Variants in HSD17B3 observed in about 807,000 individuals in gnomAD.
HSD17B3 encodes hydroxysteroid 17-beta dehydrogenase 3.
A neutral mutation model predicts 41.1 loss-of-function variants in HSD17B3; 29 were observed. The observed-to-expected ratio is 0.71, with a 90% CI of 0.53 to 0.96. HSD17B3 has a LOEUF of 0.96. HSD17B3 is among the 40% of genes least tolerant of loss of function. The pLI, the probability that HSD17B3 is intolerant of heterozygous loss-of-function variation, is 0.00. For synonymous variants in HSD17B3, 126 were observed against 145.6 expected (o/e 0.87, Z 0.97); for missense variants, 323 against 374.6 (o/e 0.86, Z 1.14).
chr9:96,271,177 A>G (rs1826233111), intron 2 of HSD17B3, among the ~76,000 whole-genome samples: 1 of 152,152 alleles, frequency 6.6e-6, no homozygotes, highest in South Asian at 2.1e-4. Flanking sequence ...TAAAAGAGAC[A>G]TGGTACATCC....
intron 2 of HSD17B3, among the ~76,000 whole-genome samples, chr9:96,257,309 A>G (rs1825703423): frequency 6.6e-6 from 1 of 152,164 alleles, no homozygotes; most frequent in Non-Finnish European, 1.5e-5. Context: ...ATACTATTAT[A>G]TGCACAAATA....
chr9:96,243,216 A>G (rs1440940431), intron 9 of HSD17B3, among the ~76,000 whole-genome samples: 1 of 152,216 alleles, frequency 6.6e-6, no homozygotes, highest in East Asian at 1.9e-4. Flanking sequence ...TAGCCCAGAC[A>G]GAGTTGCAGC....
At chr9:96,250,134 A>G (rs1175121992) in intron 5 of HSD17B3, 3 of 1,269,304 alleles carry the variant, frequency 2.4e-6, no homozygotes, top group Non-Finnish European at 3.0e-6. Context: ...ATGTGAGTCC[A>G]GGAGAACAGA....
intron 2 of HSD17B3, among the ~76,000 whole-genome samples, chr9:96,296,737 G>A (rs963524047): frequency 6.6e-6 from 1 of 152,086 alleles, no homozygotes; most frequent in Non-Finnish European, 1.5e-5. Flanking sequence ...ATATTATGTT[G>A]CCATTTAAAA....
chr9:96,295,089 C>A (rs914930890), intron 2 of HSD17B3, among the ~76,000 whole-genome samples: 4 of 143,812 alleles, frequency 2.8e-5, no homozygotes, highest in Non-Finnish European at 4.5e-5. Context: ...CCACTGCAAC[C>A]TTCACCTCCT....
chr9:96,268,237 T>C (rs1826113740), intron 2 of HSD17B3, among the ~76,000 whole-genome samples: 1 of 152,184 alleles, frequency 6.6e-6, no homozygotes, highest in Admixed American at 6.5e-5. Flanking sequence ...CCACTTATTT[T>C]CTGAAATGGT....
At chr9:96,244,142 G>A in intron 9 of HSD17B3, 187 bp downstream of exon 9, 1 of 689,156 alleles carries the variant, frequency 1.5e-6, no homozygotes, top group Non-Finnish European at 2.7e-6. Flanking sequence ...GCAGCAGGTG[G>A]GACTGAGGCG....
At chr9:96,272,998 A>G (rs1338093259) in intron 2 of HSD17B3, among the ~76,000 whole-genome samples, 1 of 152,210 alleles carries the variant, frequency 6.6e-6, no homozygotes, top group Non-Finnish European at 1.5e-5. Flanking sequence ...CTTAGATAAC[A>G]TTCTTGAAGT....
At chr9:96,294,533 T>A (rs1827274790) in intron 2 of HSD17B3, among the ~76,000 whole-genome samples, 2 of 152,206 alleles carry the variant, frequency 1.3e-5, no homozygotes, top group African/African-American at 2.4e-5. Flanking sequence ...GTCTGAGTCT[T>A]GCGATAGCAA....
At chr9:96,296,679 A>G (rs1474619852) in intron 2 of HSD17B3, among the ~76,000 whole-genome samples, 1 of 152,162 alleles carries the variant, frequency 6.6e-6, no homozygotes, top group East Asian at 1.9e-4. Context: ...AAAAAATTAA[A>G]ATTTTTACCA....
At chr9:96,260,781 A>G (rs551005638) in intron 2 of HSD17B3, among the ~76,000 whole-genome samples, 3 of 152,268 alleles carry the variant, frequency 2.0e-5, no homozygotes, top group African/African-American at 7.2e-5. Context: ...AAATAAATAA[A>G]CAATAAATTT....
chr9:96,301,110 G>T (rs1232053498), intron 1 of HSD17B3, among the ~76,000 whole-genome samples: 3 of 152,172 alleles, frequency 2.0e-5, no homozygotes, highest in Non-Finnish European at 4.4e-5. Context: ...TAAGTGCTTA[G>T]CAAGGGCTGG....
intron 7 of HSD17B3, 67 bp from the exon 8 acceptor site, chr9:96,245,493 C>G (rs1836626083): frequency 1.7e-6 from 2 of 1,208,702 alleles, no homozygotes. Flanking sequence ...ACAAAGAAAA[C>G]AAAGGGTCCC....
rs10545828 is a variant in HSD17B3 at position 96,300,607 on chromosome 9, T to TTGTGTGTGTG, written c.154+1334_154+1343dup. Among the ~76,000 whole-genome samples the TTGTGTGTGTG allele has an allele frequency of 3.5e-3, 384 of 109,880 alleles. 24 individuals carry two copies. Among genetic ancestry groups the TTGTGTGTGTG allele is most frequent in the African/African-American group, 0.011 (354 of 33,472 alleles). The allele number at this position is 109,880 out of a possible 152,430, so 72.1% of individuals were successfully genotyped here. On this transcript the variant is annotated intron_variant, in intron 1 of 10. Transcript: ENST00000375263. ...TTAATCATTTTTGTCATTGGATTCTTTGTGTGTGTGTGTGTGTGTGTGTGT... is the reference window on the plus strand; with the variant it reads ...TTAATCATTTTTGTCATTGGATTCTTTGTGTGTGTGTGTGTGTGTGTGTGTGTGTGTGTGT...
chr9:96,254,977 A>G (rs932583803), intron 2 of HSD17B3, 34 bp from the exon 3 acceptor site: 2 of 1,580,290 alleles, frequency 1.3e-6, no homozygotes, highest in African/African-American at 1.3e-5. Context: ...AGAGACAAGG[A>G]TGATGAGCAG....
Position 96,244,112 on chromosome 9 carries a change from G to A in HSD17B3, c.672+217C>T, listed in dbSNP as rs1836559682. Among the ~76,000 whole-genome samples, 4 of 152,268 alleles carry A rather than the reference G, an allele frequency of 2.6e-5. No homozygotes were observed. In the South Asian group the frequency reaches 8.3e-4, roughly 32 times the overall value. ...CCTCCTCCAGCACCCAGGGCACGGG[G>A]GAGGGCAACAGAAGCCACAGCAGCA... On this transcript the variant is annotated intron_variant, in intron 9 of 10. Transcript: ENST00000375263.
At chr9:96,298,762 G>A (rs540452857) in intron 1 of HSD17B3, among the ~76,000 whole-genome samples, 13 of 152,204 alleles carry the variant, frequency 8.5e-5, no homozygotes, top group South Asian at 2.1e-4. Context: ...AAACAGATCC[G>A]CAGCCAGGGA....
intron 2 of HSD17B3, among the ~76,000 whole-genome samples, chr9:96,255,505 T>TCAGCCTC (rs1046388363): frequency 6.8e-6 from 1 of 147,364 alleles, no homozygotes; most frequent in African/African-American, 2.5e-5. Context: ...TTCTCCTGCC[T>TCAGCCTC]CAGCCTCCCA....
intron 6 of HSD17B3, among the ~76,000 whole-genome samples, chr9:96,247,567 C>T (rs1047262524): frequency 3.3e-5 from 5 of 152,194 alleles, no homozygotes; most frequent in African/African-American, 1.2e-4. Context: ...CTCTCTAGAA[C>T]CACTGGGCTG....
Sources: allele counts gnomAD v4.1 joint callset (sites outside exome capture counted in the v4.1 genomes callset), GRCh38; gene constraint gnomAD v4.1.1; transcripts MANE v1.5; gene names NCBI Gene and HGNC (gene_info 2026-07-23, HGNC 2026-07-21).